Variants in CSMD1 observed in about 807,000 individuals in gnomAD.
CSMD1 encodes CUB and sushi domain-containing protein 1.
CSMD1 carries 213 observed loss-of-function variants against 417.5 expected under a neutral mutation model. That is an observed-to-expected ratio of 0.51 (90% CI 0.46 to 0.57). The LOEUF is 0.57. Among genes scored for constraint, CSMD1 ranks in the 20% least tolerant of loss-of-function variants. The pLI is 0.00. For missense variants in CSMD1, 6,923 were observed against 4,529.7 expected (o/e 1.53, Z -15.17); for synonymous variants, 2,862 against 1,736.8 (o/e 1.65, Z -16.11).
rs147557627 is a variant in CSMD1 at position 4,824,499 on chromosome 8, G to C, written c.85+169833C>G. On this transcript the variant is annotated intron_variant, in intron 1 of 69. Coordinates refer to ENST00000635120, the MANE Select transcript of CSMD1 (RefSeq NM_033225.6). ...AAAGAAATAGAATGGTTTTTAAACA[G>C]AGTAGTCCCAATTAAAATATTTTGG... is the stretch of plus-strand genomic sequence containing the variant. Among the ~76,000 whole-genome samples the C allele has an allele frequency of 8.4e-3, 1,286 of 152,236 alleles. 14 individuals carry two copies. Among genetic ancestry groups the C allele is most frequent in the Non-Finnish European group, 9.8e-3 (666 of 67,986 alleles).
chr8:4,346,254 C>T (rs1166236948), intron 3 of CSMD1, among the ~76,000 whole-genome samples: 1 of 152,032 alleles, frequency 6.6e-6, no homozygotes, highest in Non-Finnish European at 1.5e-5. Flanking sequence ...AATATACATC[C>T]AAAGAATAAT....
At chr8:3,829,234 C>G (rs2129086754) in intron 5 of CSMD1, among the ~76,000 whole-genome samples, 1 of 152,244 alleles carries the variant, frequency 6.6e-6, no homozygotes, top group East Asian at 1.9e-4. Flanking sequence ...TATGCCTTTG[C>G]ATCCTCATAG....
At chr8:4,218,534 C>T (rs924676005) in intron 3 of CSMD1, among the ~76,000 whole-genome samples, 1 of 152,150 alleles carries the variant, frequency 6.6e-6, no homozygotes, top group Non-Finnish European at 1.5e-5. Flanking sequence ...TCTAAACTCA[C>T]ATTTGAATTT....
At chr8:4,299,359 T>A (rs541801478) in intron 3 of CSMD1, among the ~76,000 whole-genome samples, 12 of 152,190 alleles carry the variant, frequency 7.9e-5, no homozygotes, top group Non-Finnish European at 1.6e-4. Context: ...ACTTGACATA[T>A]TGTAAGTGTC....
chr8:3,918,973 A>G (rs764448703), intron 5 of CSMD1, among the ~76,000 whole-genome samples: 4 of 152,018 alleles, frequency 2.6e-5, no homozygotes, highest in African/African-American at 9.7e-5. Context: ...ACAAATCACC[A>G]CTAAAAAACT....
At chr8:4,141,389 A>C (rs768153153) in intron 3 of CSMD1, among the ~76,000 whole-genome samples, 1 of 151,242 alleles carries the variant, frequency 6.6e-6, no homozygotes, top group African/African-American at 2.5e-5. Context: ...CCAAGAAGCT[A>C]AAGAAAGATT....
chr8:4,067,734 C>T (rs952507391), intron 3 of CSMD1, among the ~76,000 whole-genome samples: 3 of 152,116 alleles, frequency 2.0e-5, no homozygotes, highest in Non-Finnish European at 4.4e-5. Flanking sequence ...GATAAAGGAA[C>T]GTGTTATTCT....
Position 4,433,525 on chromosome 8 carries a change from C to T in CSMD1, c.303-13460G>A, listed in dbSNP as rs979308724. ...TCATTCCCAAGGCAGCCCCAGATCC[C>T]CCTGCCGGCAAGAAAAACCTTGTGG... On this transcript the variant is annotated intron_variant, in intron 2 of 69. Coordinates refer to ENST00000635120, the MANE Select transcript of CSMD1 (RefSeq NM_033225.6). Among the ~76,000 whole-genome samples, 3 of 152,250 alleles carry T rather than the reference C, an allele frequency of 2.0e-5. No individual in the cohort carries two copies. In the East Asian group the frequency reaches 5.8e-4, roughly 29 times the overall value.
chr8:4,609,157 T>G (rs1801038044), intron 2 of CSMD1, among the ~76,000 whole-genome samples: 1 of 152,172 alleles, frequency 6.6e-6, no homozygotes, highest in African/African-American at 2.4e-5. Context: ...CCCAGCACTT[T>G]GGGAGGCTGA....
At chr8:4,672,839 G>A (rs1216894692) in intron 1 of CSMD1, among the ~76,000 whole-genome samples, 2 of 151,844 alleles carry the variant, frequency 1.3e-5, no homozygotes, top group Admixed American at 6.6e-5. Flanking sequence ...ACTCCCGTAT[G>A]TAGTGACGTA....
chr8:3,571,963 A>AT (rs1799962697), intron 10 of CSMD1, among the ~76,000 whole-genome samples: 1 of 152,150 alleles, frequency 6.6e-6, no homozygotes, highest in Non-Finnish European at 1.5e-5. Context: ...CTCCTCGTGG[A>AT]TCCCCCTAAA....
rs957093932 is a variant in CSMD1, at chr8:3,897,573, T to TA, written c.818+100329dup. ...ATAAATGCATACAAAACTACCTCAG[T>TA]AAAAAAAAAAAGGCTATGCATTTTA... On this transcript the variant is annotated intron_variant, in intron 5 of 69. Transcript: ENST00000635120. Among the ~76,000 whole-genome samples, 430 of 143,320 alleles carry TA rather than the reference T, an allele frequency of 3.0e-3. 2 individuals carry two copies. The highest frequency in any genetic ancestry group is 2.9e-3 in the Non-Finnish European group (185 of 64,900). 94.0% of individuals were successfully genotyped at this position (143,320 alleles called of 152,430 possible). A position where few individuals can be genotyped will look rare whatever the true frequency, so the allele number is the denominator to read the frequency against.
intron 12 of CSMD1, among the ~76,000 whole-genome samples, chr8:3,461,400 C>A (rs1816492227): frequency 6.6e-6 from 1 of 152,184 alleles, no homozygotes; most frequent in African/African-American, 2.4e-5. Flanking sequence ...CACCCTAAAT[C>A]CACGGCCATA....
At chr8:3,860,181 G>A (rs1804601298) in intron 5 of CSMD1, among the ~76,000 whole-genome samples, 2 of 152,124 alleles carry the variant, frequency 1.3e-5, no homozygotes, top group African/African-American at 2.4e-5. Context: ...GCAGTAGAAA[G>A]TTTGAGTGAT....
chr8:3,642,559 C>T (rs1056807792), intron 7 of CSMD1, among the ~76,000 whole-genome samples: 3 of 152,076 alleles, frequency 2.0e-5, no homozygotes, highest in South Asian at 4.1e-4. Flanking sequence ...TTCCAAGGAA[C>T]AGAAGTTTGC....
chr8:3,850,215 C>G (rs1028183337), intron 5 of CSMD1, among the ~76,000 whole-genome samples: 11 of 152,216 alleles, frequency 7.2e-5, no homozygotes, highest in Non-Finnish European at 1.6e-4. Flanking sequence ...TTCTTTATAT[C>G]AAAGGCTCCA....
At chr8:4,617,858 C>G (rs1021319089) in intron 2 of CSMD1, among the ~76,000 whole-genome samples, 1 of 152,146 alleles carries the variant, frequency 6.6e-6, no homozygotes, top group African/African-American at 2.4e-5. Context: ...AGAACACTCA[C>G]CCTTCTTGCT....
At chr8:4,824,092 AC>A (rs1799676310) in intron 1 of CSMD1, among the ~76,000 whole-genome samples, 2 of 151,584 alleles carry the variant, frequency 1.3e-5, no homozygotes, top group South Asian at 4.2e-4. Context: ...CCACACACAC[AC>A]ACACACACAC....
Position 3,257,107 on chromosome 8 carries a change from A to C in CSMD1, c.4154-26876T>G, listed in dbSNP as rs1009900319. 2.6e-5 allele frequency among the ~76,000 whole-genome samples: 4 copies of C among 152,090 alleles called. 1 individual carries two copies. The highest frequency in any genetic ancestry group is 6.3e-3 in the Middle Eastern group (2 of 316). The stretch of plus-strand genomic sequence containing the variant: ...GAGGCCAAGGTGGGTGGATCACTTG[A>C]GGTCAGGAGTTTGAGACCAGCCTGG... On this transcript the variant is annotated intron_variant, in intron 26 of 69. Transcript: ENST00000635120.
Sources: gnomAD v4.1 joint callset for allele counts (sites outside exome capture counted in the v4.1 genomes callset) on GRCh38, gnomAD v4.1.1 for gene constraint, MANE v1.5 for transcripts, NCBI Gene and HGNC (gene_info 2026-07-23, HGNC 2026-07-21) for gene names.